Variants in DLGAP1 observed in about 807,000 individuals in gnomAD.
The protein encoded by DLGAP1 is DLG associated protein 1, also known as disks large-associated protein 1.
A neutral mutation model predicts 90.8 loss-of-function variants in DLGAP1; 11 were observed. The ratio of observed to expected loss-of-function variants is 0.12; its 90% CI spans 0.08 to 0.20. DLGAP1 has a LOEUF of 0.20. DLGAP1 is among the 10% of genes least tolerant of loss of function. The probability of loss-of-function intolerance (pLI) is 1.00; values close to 1 mark genes in which losing one functional copy is unlikely to be tolerated. For synonymous variants in DLGAP1, 558 were observed against 540.7 expected (o/e 1.03, Z -0.44); for missense variants, 1,050 against 1,333.8 (o/e 0.79, Z 3.31).
chr18:4,347,977 T>C (rs1940443), intron 1 of DLGAP1, among the ~76,000 whole-genome samples: 44,738 of 151,946 alleles, frequency 0.29, 7,683 homozygotes, highest in South Asian at 0.47. Context: ...GATATGAAAT[T>C]AATATTCATA....
intron 1 of DLGAP1, among the ~76,000 whole-genome samples, chr18:4,153,269 G>A (rs1343387148): frequency 6.6e-6 from 1 of 152,184 alleles, no homozygotes; most frequent in African/African-American, 2.4e-5. Flanking sequence ...GTTTAAATCA[G>A]AATATTCATG....
intron 3 of DLGAP1, among the ~76,000 whole-genome samples, chr18:3,982,559 T>C (rs1568333578): frequency 6.6e-6 from 1 of 152,312 alleles, no homozygotes; most frequent in East Asian, 1.9e-4. Flanking sequence ...TGGGGGTACC[T>C]CTCAGAGACG....
At chr18:4,094,138 TA>T (rs1231813977) in intron 2 of DLGAP1, among the ~76,000 whole-genome samples, 10 of 151,934 alleles carry the variant, frequency 6.6e-5, no homozygotes, top group African/African-American at 1.9e-4. Flanking sequence ...TGACTGGAAT[TA>T]AAAAAAATAC....
At chr18:3,566,700 T>C (rs2054445150) in intron 9 of DLGAP1, among the ~76,000 whole-genome samples, 1 of 152,200 alleles carries the variant, frequency 6.6e-6, no homozygotes, top group South Asian at 2.1e-4. Flanking sequence ...GTTGAGATGA[T>C]ACACTGATTT....
At chr18:4,195,849 G>A (rs1164246938) in intron 1 of DLGAP1, among the ~76,000 whole-genome samples, 3 of 152,088 alleles carry the variant, frequency 2.0e-5, no homozygotes, top group Admixed American at 6.6e-5. Context: ...CATCGCGCCC[G>A]GCCTGACTAC....
chr18:3,775,037 C>CT lies in DLGAP1; in HGVS notation c.1173-32526dup, dbSNP rs1221558450. Among the ~76,000 whole-genome samples, 3 of 152,172 alleles carry CT rather than the reference C, an allele frequency of 2.0e-5. No homozygotes were observed. The highest frequency in any genetic ancestry group is 2.0e-4 in the Admixed American group (3 of 15,286). On this transcript the variant is annotated intron_variant, in intron 5 of 12. Transcript: ENST00000315677. This position sits in a 1 kb window ranked among gnomAD's most constrained non-coding sequence, Gnocchi z 4.9. Reference sequence around the variant, plus strand: ...GTAAAGAAAGTCTCATCTGGACGGACTTTTTTCACAAACCACTGTCGCTCT... The same window carrying CT: ...GTAAAGAAAGTCTCATCTGGACGGACTTTTTTTCACAAACCACTGTCGCTCT...
At chr18:4,451,706 G>C (rs759132254) in intron 1 of DLGAP1, among the ~76,000 whole-genome samples, 6 of 152,146 alleles carry the variant, frequency 3.9e-5, no homozygotes, top group Non-Finnish European at 7.4e-5. Context: ...TCTGAAAATA[G>C]AGAACTAGTA....
rs141474931 is a variant in DLGAP1 at position 3,931,633 on chromosome 18, T to C, written c.-72-51493A>G. 2.7e-3 allele frequency among the ~76,000 whole-genome samples: 410 copies of C among 152,304 alleles called. 2 individuals carry two copies. The highest frequency in any genetic ancestry group is 9.3e-3 in the African/African-American group (388 of 41,564). On this transcript the variant is annotated intron_variant, in intron 3 of 12. Coordinates refer to ENST00000315677, the MANE Select transcript of DLGAP1 (RefSeq NM_004746.4). ...CGTCTGGCCTTTGGAAAGCAGTGAA[T>C]TTGGAGTAGGTCAAGTAGGTCACTT...
chr18:4,210,198 G>T (rs1236443089), intron 1 of DLGAP1, among the ~76,000 whole-genome samples: 1 of 152,130 alleles, frequency 6.6e-6, no homozygotes, highest in Non-Finnish European at 1.5e-5. Context: ...TGGCCTGTTA[G>T]CTCCCTGAAG....
chr18:3,690,831 T>C (rs1408850925), intron 7 of DLGAP1, among the ~76,000 whole-genome samples: 1 of 152,220 alleles, frequency 6.6e-6, no homozygotes, highest in Non-Finnish European at 1.5e-5. Context: ...CTACATCTCA[T>C]GCTGCTAATC....
At chr18:4,235,104 C>G (rs752129410) in intron 1 of DLGAP1, among the ~76,000 whole-genome samples, 1 of 152,076 alleles carries the variant, frequency 6.6e-6, no homozygotes, top group South Asian at 2.1e-4. Context: ...TGTCTCTCTT[C>G]GAACACCCTA....
At chr18:3,877,442 G>A (rs569199622) in intron 4 of DLGAP1, among the ~76,000 whole-genome samples, 4 of 152,096 alleles carry the variant, frequency 2.6e-5, no homozygotes, top group Non-Finnish European at 4.4e-5. Context: ...AAGTACAGGT[G>A]TTTTTGTTTT....
rs754769191 is a variant in DLGAP1, at chr18:3,879,776, C to A, written c.293G>T (p.Arg98Leu). The A allele has an allele frequency of 3.7e-6, 6 of 1,607,296 alleles. No homozygotes were observed. Among genetic ancestry groups the A allele is most frequent in the Non-Finnish European group, 5.1e-6 (6 of 1,179,892 alleles). Residue 98 changes from arginine (R) to leucine (L), a missense_variant, in exon 4 of 13, where the codon CGC becomes CTC. By Grantham distance (102) the Arg-to-Leu change is moderately radical. Coordinates refer to ENST00000315677, the MANE Select transcript of DLGAP1 (RefSeq NM_004746.4). This position sits in a 1 kb window ranked among gnomAD's most constrained non-coding sequence, Gnocchi z 6.6. The part of the protein sequence containing the change: ...VPRTLATKAN[R>L]IPANLLDQFE... ...CTGGTCCAGCAGGTTGGCGGGGATG[C>A]GGTTCGCCTTGGTGGCCAGGGTGCG...
At chr18:4,451,222 G>A (rs1331443284) in intron 1 of DLGAP1, among the ~76,000 whole-genome samples, 1 of 152,148 alleles carries the variant, frequency 6.6e-6, no homozygotes, top group African/African-American at 2.4e-5. Flanking sequence ...ACCAACCTCT[G>A]TACAATCAGA....
chr18:4,206,707 A>G (rs2077728080), intron 1 of DLGAP1, among the ~76,000 whole-genome samples: 1 of 152,138 alleles, frequency 6.6e-6, no homozygotes, highest in Admixed American at 6.5e-5. Context: ...CTTTTGACTA[A>G]GTCTTCCACA....
chr18:3,687,136 T>G (rs755162291), intron 7 of DLGAP1, among the ~76,000 whole-genome samples: 1 of 152,216 alleles, frequency 6.6e-6, no homozygotes, highest in Admixed American at 6.5e-5. Flanking sequence ...CCTGCTGACA[T>G]CTTAATTTTA....
intron 7 of DLGAP1, among the ~76,000 whole-genome samples, chr18:3,629,360 C>T (rs2146154254): frequency 6.6e-6 from 1 of 152,120 alleles, no homozygotes; most frequent in East Asian, 1.9e-4. Context: ...GAGGCTCTGT[C>T]TACAAACAAA....
rs367953822 is a variant in DLGAP1, at chr18:3,998,702, G to A, written c.-73+6414C>T. ...CTTTTTTCACAGTGTCCTTTTCCCTGTCAAATTTCAAATTTTATTGACATG... is the reference window on the plus strand; with the variant it reads ...CTTTTTTCACAGTGTCCTTTTCCCTATCAAATTTCAAATTTTATTGACATG... On this transcript the variant is annotated intron_variant, in intron 3 of 12. Coordinates refer to ENST00000315677, the MANE Select transcript of DLGAP1 (RefSeq NM_004746.4). Among the ~76,000 whole-genome samples the A allele has an allele frequency of 1.3e-4, 20 of 152,082 alleles. No homozygotes were observed. The South Asian group carries it at 4.1e-3, about 31-fold the overall frequency.
chr18:4,255,990 A>T (rs1817359880), intron 1 of DLGAP1, among the ~76,000 whole-genome samples: 1 of 152,202 alleles, frequency 6.6e-6, no homozygotes, highest in South Asian at 2.1e-4. Flanking sequence ...GTGTAAGAAC[A>T]AGGACTGAAG....
Sources: allele counts gnomAD v4.1 joint callset (sites outside exome capture counted in the v4.1 genomes callset), GRCh38; gene constraint gnomAD v4.1.1; non-coding constraint Gnocchi (gnomAD v3.1); transcripts MANE v1.5; gene names NCBI Gene and HGNC (gene_info 2026-07-23, HGNC 2026-07-21).